The following SMAD3 variants were observed in gnomAD, a reference collection of about 807,000 sequenced individuals.
The protein encoded by SMAD3 is SMAD family member 3.
Under a neutral mutation model 51.8 loss-of-function variants are expected in SMAD3, and 12 were observed. The observed-to-expected ratio is 0.23, with a 90% CI of 0.15 to 0.38. SMAD3 has a LOEUF of 0.38. SMAD3 is among the 10% of genes least tolerant of loss of function. The pLI, the probability that SMAD3 is intolerant of heterozygous loss-of-function variation, is 1.00. For synonymous variants in SMAD3, 238 were observed against 227.7 expected (o/e 1.05, Z -0.41); for missense variants, 294 against 565.6 (o/e 0.52, Z 4.87).
rs573650271 is a variant in SMAD3, at chr15:67,140,371, G to A, written c.207-24524G>A. On this transcript the variant is annotated intron_variant, in intron 1 of 8. Transcript: ENST00000327367. ...AATGGTACCCAGGAGGTAGAGTTGA[G>A]TAGAGACTCCTTTAGCTCTCTTCTT... 4.6e-5 allele frequency among the ~76,000 whole-genome samples: 7 copies of A among 152,348 alleles called. No individual in the cohort carries two copies. The South Asian group carries it at 1.5e-3, about 32-fold the overall frequency.
At chr15:67,152,570 G>A (rs1962175903) in intron 1 of SMAD3, among the ~76,000 whole-genome samples, 1 of 152,188 alleles carries the variant, frequency 6.6e-6, no homozygotes, top group Non-Finnish European at 1.5e-5. Context: ...AAGCCCATCA[G>A]AACGTTGCCA....
intron 7 of SMAD3, 61 bp downstream of exon 7, chr15:67,184,925 G>A (rs1459664025): frequency 1.9e-5 from 31 of 1,596,364 alleles, no homozygotes; most frequent in Non-Finnish European, 2.6e-5. Context: ...TGCCTAGGAT[G>A]CTGGAGAGAG....
chr15:67,076,050 G>A (rs567027207), intron 1 of SMAD3, among the ~76,000 whole-genome samples: 3 of 152,092 alleles, frequency 2.0e-5, no homozygotes, highest in Admixed American at 6.5e-5. Flanking sequence ...GATGTCCGTC[G>A]ACTCCAATAG....
chr15:67,143,121 G>T, intron 1 of SMAD3: 1 of 195,302 alleles, frequency 5.1e-6, no homozygotes, highest in East Asian at 1.6e-4. Flanking sequence ...TAGTTGTTAT[G>T]AGCATGTCAG....
chr15:67,179,145 G>A (rs910842420), intron 5 of SMAD3, among the ~76,000 whole-genome samples: 7 of 152,204 alleles, frequency 4.6e-5, no homozygotes, highest in South Asian at 4.1e-4. Flanking sequence ...TGGTTTGCTC[G>A]CAGTTGCATG....
At chr15:67,071,814 A>T (rs1960060819) in intron 1 of SMAD3, among the ~76,000 whole-genome samples, 1 of 152,070 alleles carries the variant, frequency 6.6e-6, no homozygotes, top group South Asian at 2.1e-4. Context: ...TCTGTCTCAA[A>T]ATAAATAAAT....
chr15:67,100,963 A>G (rs866902195), intron 1 of SMAD3, among the ~76,000 whole-genome samples: 29 of 152,344 alleles, frequency 1.9e-4, no homozygotes, highest in Middle Eastern at 3.4e-3. Flanking sequence ...GTTCTGGGTC[A>G]CTGAGGATCA....
At position 67,066,307 on chromosome 15, in the gene SMAD3, G is replaced by A. The variant is rs1959914848; in HGVS notation, c.153G>A (p.Leu51=). 6.2e-7 allele frequency: 1 copy of A among 1,613,558 alleles called. No homozygotes were observed. The highest frequency in any genetic ancestry group is 2.2e-5 in the East Asian group (1 of 44,832). Residue 51 remains leucine, a synonymous_variant, in exon 1 of 9, where the codon CTG becomes CTA. Coordinates refer to ENST00000327367, the MANE Select transcript of SMAD3 (RefSeq NM_005902.4). ...KLKKTGQLDE[L]EKAITTQNVN... Reference sequence around the variant, plus strand: ...AGAAGACGGGGCAGCTGGACGAGCTGGAGAAGGCCATCACCACGCAGAACG... The same window carrying A: ...AGAAGACGGGGCAGCTGGACGAGCTAGAGAAGGCCATCACCACGCAGAACG...
intron 1 of SMAD3, among the ~76,000 whole-genome samples, chr15:67,143,838 A>G (rs1262504846): frequency 6.6e-6 from 1 of 150,812 alleles, no homozygotes; most frequent in East Asian, 2.0e-4. Context: ...ACAGATCATA[A>G]TGTGATCTGC....
intron 6 of SMAD3, among the ~76,000 whole-genome samples, chr15:67,183,717 A>G (rs1201387918): frequency 6.6e-6 from 1 of 152,200 alleles, no homozygotes; most frequent in East Asian, 1.9e-4. Flanking sequence ...CCCCTGGCCG[A>G]GCAAAGAGCT....
Position 67,193,326 on chromosome 15 carries a change from C to T in SMAD3, c.*2790C>T, listed in dbSNP as rs1963413896. 1 of 233,416 alleles carries T rather than the reference C, an allele frequency of 4.3e-6. No homozygotes were observed. Among genetic ancestry groups the T allele is most frequent in the South Asian group, 1.8e-4 (1 of 5,538 alleles). 14.5% of individuals were successfully genotyped at this position (233,416 alleles called of 1,614,324 possible). A position where few individuals can be genotyped will look rare whatever the true frequency, so the allele number is the denominator to read the frequency against. On this transcript the variant is annotated 3_prime_UTR_variant, in exon 9 of 9. Coordinates refer to ENST00000327367, the MANE Select transcript of SMAD3 (RefSeq NM_005902.4). ...CCTGGGCTCCCCGCCATGACATCTT[C>T]ACCTTGCAGCTTGTGCTGAGACTGA... is the stretch of plus-strand genomic sequence containing the variant.
intron 5 of SMAD3, among the ~76,000 whole-genome samples, chr15:67,179,890 G>A (rs1270419035): frequency 6.6e-6 from 1 of 152,138 alleles, no homozygotes; most frequent in East Asian, 1.9e-4. Context: ...AAGCGAGGGA[G>A]GAGAGATGTC....
chr15:67,190,656 C>G lies in SMAD3; in HGVS notation c.*120C>G. ...GGAAGAAGAAATCTTTCTCCCTCAA[C>G]TGAAGGGGTGCACCCACCTGTTTTC... On this transcript the variant is annotated 3_prime_UTR_variant, in exon 9 of 9. Coordinates refer to ENST00000327367, the MANE Select transcript of SMAD3 (RefSeq NM_005902.4). The G allele has an allele frequency of 9.3e-7, 1 of 1,077,610 alleles. No homozygotes were observed. Among genetic ancestry groups the G allele is most frequent in the South Asian group, 1.4e-5 (1 of 71,870 alleles). 66.8% of individuals were successfully genotyped at this position (1,077,610 alleles called of 1,614,324 possible).
intron 1 of SMAD3, among the ~76,000 whole-genome samples, chr15:67,133,860 C>T (rs1225611955): frequency 1.3e-5 from 2 of 152,090 alleles, no homozygotes; most frequent in Admixed American, 6.6e-5. Context: ...GAAGGGTAAG[C>T]GACTTGCCTA....
intron 1 of SMAD3, among the ~76,000 whole-genome samples, chr15:67,156,227 GAA>G (rs1358772780): frequency 6.6e-6 from 1 of 152,194 alleles, no homozygotes; most frequent in Admixed American, 6.5e-5. Flanking sequence ...TAGCAGATGG[GAA>G]ATGTAAAGAT....
intron 8 of SMAD3, among the ~76,000 whole-genome samples, chr15:67,189,311 C>A (rs1484903926): frequency 6.6e-6 from 1 of 152,124 alleles, no homozygotes; most frequent in Non-Finnish European, 1.5e-5. Flanking sequence ...TCTCAACCTC[C>A]CTGCTACACA....
At chr15:67,128,087 C>CT (rs1230557838) in intron 1 of SMAD3, 1 of 152,230 alleles carries the variant, frequency 6.6e-6, no homozygotes, top group Non-Finnish European at 1.5e-5. Context: ...TAAAATGTGA[C>CT]TAACTCTGAG....
chr15:67,171,071 A>G (rs1350622730), intron 5 of SMAD3, among the ~76,000 whole-genome samples: 2 of 152,214 alleles, frequency 1.3e-5, no homozygotes, highest in African/African-American at 4.8e-5. Flanking sequence ...TTGAAAATAA[A>G]GTCAAAGTGC....
chr15:67,163,275 C>A (rs1046512327), intron 1 of SMAD3, among the ~76,000 whole-genome samples: 7 of 152,156 alleles, frequency 4.6e-5, no homozygotes, highest in Admixed American at 1.3e-4. Flanking sequence ...CGGTCTTGCC[C>A]AGTGGAATGG....
Sources: allele counts gnomAD v4.1 joint callset (sites outside exome capture counted in the v4.1 genomes callset), GRCh38; gene constraint gnomAD v4.1.1; transcripts MANE v1.5; gene names NCBI Gene and HGNC (gene_info 2026-07-23, HGNC 2026-07-21).